PHLPP1: variants seen among roughly 807,000 people sequenced by gnomAD.
PHLPP1 encodes PH domain and leucine rich repeat protein phosphatase 1.
A neutral mutation model predicts 117.2 loss-of-function variants in PHLPP1; 42 were observed. The ratio of observed to expected loss-of-function variants is 0.36; its 90% CI spans 0.28 to 0.46. PHLPP1 has a LOEUF of 0.46. PHLPP1 is among the 20% of genes least tolerant of loss of function. PHLPP1 has a pLI of 1.00. For missense variants in PHLPP1, 2,084 were observed against 2,241.9 expected (o/e 0.93, Z 1.42); for synonymous variants, 1,042 against 970.7 (o/e 1.07, Z -1.37).
At chr18:62,975,695 T>G in intron 16 of PHLPP1, 70 bp downstream of exon 16, 1 of 993,206 alleles carries the variant, frequency 1.0e-6, no homozygotes, top group Non-Finnish European at 1.6e-6. Flanking sequence ...TAGCAGAAAC[T>G]AGCTAGGGAG....
At chr18:62,750,944 A>G (rs1911832486) in intron 1 of PHLPP1, among the ~76,000 whole-genome samples, 1 of 152,200 alleles carries the variant, frequency 6.6e-6, no homozygotes, top group African/African-American at 2.4e-5. Context: ...TCATTTGTCT[A>G]CATGTCTGTT....
chr18:62,944,021 CAAGAT>C (rs1199250810), intron 11 of PHLPP1, among the ~76,000 whole-genome samples: 16 of 151,708 alleles, frequency 1.1e-4, no homozygotes, highest in African/African-American at 3.6e-4. Flanking sequence ...TCAAGATAAA[CAAGAT>C]AATCTTTATA....
In PHLPP1 at chr18:62,716,166, C is replaced by G. The variant is rs1599009323; in HGVS notation, c.483C>G (p.Cys161Trp). The change falls in exon 1 of 17, where the codon TGC (cysteine) becomes TGG (tryptophan). Residue 161 changes from cysteine (C) to tryptophan (W), a missense_variant. Physicochemically the swap from Cys to Trp is radical, Grantham distance 215. Transcript: ENST00000262719. The surrounding 1 kb of genome is among the most constrained non-coding windows in gnomAD (Gnocchi z 5.7). Reference sequence around the variant, plus strand: ...GCGCTGCCGGCCTCCCCGCCTCCTGCTCGGCCTCGGCGTCGCTGTGCACCC... The same window carrying G: ...GCGCTGCCGGCCTCCCCGCCTCCTGGTCGGCCTCGGCGTCGCTGTGCACCC... The part of the protein sequence containing the change: ...SPGAAGLPAS[C>W]SASASLCTRS... The G allele has an allele frequency of 6.6e-7, 1 of 1,518,676 alleles. No homozygotes were observed. The highest frequency in any genetic ancestry group is 8.8e-7 in the Non-Finnish European group (1 of 1,139,340). 94.1% of individuals were successfully genotyped at this position (1,518,676 alleles called of 1,614,324 possible). A position where few individuals can be genotyped will look rare whatever the true frequency, so the allele number is the denominator to read the frequency against.
chr18:62,738,291 G>T (rs1243705803), intron 1 of PHLPP1, among the ~76,000 whole-genome samples: 1 of 152,080 alleles, frequency 6.6e-6, no homozygotes, highest in Non-Finnish European at 1.5e-5. Flanking sequence ...GGGAGGCCGA[G>T]CCTGCAGTGA....
At chr18:62,918,733 T>C (rs1271521742) in intron 9 of PHLPP1, among the ~76,000 whole-genome samples, 1 of 152,036 alleles carries the variant, frequency 6.6e-6, no homozygotes, top group Non-Finnish European at 1.5e-5. Flanking sequence ...GATACAAAAT[T>C]TGGATTAGAC....
At chr18:62,770,490 A>G (rs189165221) in intron 1 of PHLPP1, among the ~76,000 whole-genome samples, 85 of 152,362 alleles carry the variant, frequency 5.6e-4, no homozygotes, top group Non-Finnish European at 1.0e-3. Context: ...GCAAAATGGT[A>G]TGGTTCAAAT....
intron 4 of PHLPP1, among the ~76,000 whole-genome samples, chr18:62,862,477 T>A (rs1188954976): frequency 6.6e-6 from 1 of 152,218 alleles, no homozygotes; most frequent in African/African-American, 2.4e-5. Context: ...AATTTTTCAT[T>A]AGAAATTTGA....
At chr18:62,856,184 T>A (rs1599085354) in intron 3 of PHLPP1, among the ~76,000 whole-genome samples, 1 of 152,002 alleles carries the variant, frequency 6.6e-6, no homozygotes, top group East Asian at 1.9e-4. Context: ...CCTGCTGGGG[T>A]CCAGGAGCTA....
chr18:62,892,584 A>C (rs1446112705), intron 4 of PHLPP1, among the ~76,000 whole-genome samples: 6 of 152,104 alleles, frequency 3.9e-5, no homozygotes, highest in African/African-American at 1.4e-4. Context: ...TGTTATAAAA[A>C]TAGTTTGAAC....
chr18:62,933,078 G>T (rs1007449862), intron 10 of PHLPP1, among the ~76,000 whole-genome samples: 10 of 152,104 alleles, frequency 6.6e-5, no homozygotes, highest in Non-Finnish European at 1.3e-4. Context: ...ATCTCTAGAA[G>T]GAGAACTATA....
At chr18:62,734,568 G>A (rs1277708071) in intron 1 of PHLPP1, among the ~76,000 whole-genome samples, 1 of 152,110 alleles carries the variant, frequency 6.6e-6, no homozygotes, top group Non-Finnish European at 1.5e-5. Flanking sequence ...TGGAAAATGA[G>A]CTGCTTTTTG....
chr18:62,727,934 G>C (rs980479855), intron 1 of PHLPP1, among the ~76,000 whole-genome samples: 1 of 152,048 alleles, frequency 6.6e-6, no homozygotes, highest in African/African-American at 2.4e-5. Flanking sequence ...GGGAAGGGGA[G>C]GGGGGCTGGA....
At chr18:62,846,345 G>A (rs1004631032) in intron 3 of PHLPP1, among the ~76,000 whole-genome samples, 2 of 152,006 alleles carry the variant, frequency 1.3e-5, no homozygotes, top group South Asian at 2.1e-4. Context: ...GAAATTTAGT[G>A]TATGAGTTAG....
intron 1 of PHLPP1, among the ~76,000 whole-genome samples, chr18:62,792,152 G>A (rs1913478595): frequency 6.6e-6 from 1 of 152,154 alleles, no homozygotes; most frequent in Non-Finnish European, 1.5e-5. Flanking sequence ...TATGGAAATA[G>A]GAAAGTCAAG....
chr18:62,978,958 AG>A lies in PHLPP1; in HGVS notation c.4682del (p.Ser1561ThrfsTer76). On this transcript the variant is annotated frameshift_variant, in exon 17 of 17. Transcript: ENST00000262719. LOFTEE classifies it low-confidence loss of function (END_TRUNC). The surrounding 1 kb of genome is among the most constrained non-coding windows in gnomAD (Gnocchi z 7.0). ...CATCGAGGGCGTCTTCACCAACGGC[AG>A]CCGGGTGGAGGTGGAGGTGGACATC... Reference protein sequence around the residue: ...EPIEGVFTNGSRVEVEVDIHC... With the variant: ...EPIEGVFTNGXRVEVEVDIHC... 1.2e-6 allele frequency: 2 copies of A among 1,610,698 alleles called. No homozygotes were observed. The highest frequency in any genetic ancestry group is 1.7e-6 in the Non-Finnish European group (2 of 1,178,606).
chr18:62,936,460 T>A (rs1471175152), intron 10 of PHLPP1, among the ~76,000 whole-genome samples: 1 of 152,212 alleles, frequency 6.6e-6, no homozygotes, highest in African/African-American at 2.4e-5. Flanking sequence ...GGCAAAAGTA[T>A]GAGAAACAGA....
At chr18:62,836,142 T>A (rs75519811) in intron 2 of PHLPP1, among the ~76,000 whole-genome samples, 2,387 of 151,710 alleles carry the variant, frequency 0.016, 54 homozygotes, top group African/African-American at 0.051. Context: ...ATAAATAAAT[T>A]AATTAATTAA....
At chr18:62,913,265 C>T (rs985255675) in intron 8 of PHLPP1, among the ~76,000 whole-genome samples, 3 of 151,898 alleles carry the variant, frequency 2.0e-5, no homozygotes, top group Non-Finnish European at 2.9e-5. Context: ...TACTTTCAAT[C>T]CCCTATCCTG....
At chr18:62,792,929 C>T (rs975721789) in intron 1 of PHLPP1, among the ~76,000 whole-genome samples, 1 of 147,862 alleles carries the variant, frequency 6.8e-6, no homozygotes, top group African/African-American at 2.5e-5. Flanking sequence ...AATCCCAGCA[C>T]TTTGGGAGGC....
Sources: allele counts gnomAD v4.1 joint callset (sites outside exome capture counted in the v4.1 genomes callset), GRCh38; gene constraint gnomAD v4.1.1; non-coding constraint Gnocchi (gnomAD v3.1); transcripts MANE v1.5; gene names NCBI Gene and HGNC (gene_info 2026-07-23, HGNC 2026-07-21).